DMBT1: variants seen among roughly 807,000 people sequenced by gnomAD.
The protein encoded by DMBT1 is scavenger receptor cysteine-rich domain-containing protein DMBT1.
In DMBT1, 198 loss-of-function variants were observed where a neutral mutation model predicts 252.9. The observed-to-expected ratio is 0.78, with a 90% CI of 0.70 to 0.88. The LOEUF is 0.88. Ranked by LOEUF, DMBT1 falls within the 40% of genes least tolerant of loss-of-function variation. DMBT1 has a pLI of 0.00. For synonymous variants in DMBT1, 990 were observed against 942.7 expected (o/e 1.05, Z -0.92); for missense variants, 2,432 against 2,404.7 (o/e 1.01, Z -0.24).
chr10:122,618,308 G>A lies in DMBT1; in HGVS notation c.5183G>A (p.Gly1728Asp). Residue 1728 changes from glycine (G) to aspartate (D), a missense_variant, in exon 41 of 56, where the codon GGC becomes GAC. By Grantham distance (94) the Gly-to-Asp change is moderately conservative. Transcript: ENST00000338354. ...PHNGWLSHNC[G>D]HHEDAGVICS... ...AATGGCTGGCTCTCCCACAACTGTG[G>A]CCATCATGAAGATGCTGGTGTCATC... 6.2e-7 allele frequency: 1 copy of A among 1,613,850 alleles called. No homozygotes were observed. The highest frequency in any genetic ancestry group is 8.5e-7 in the Non-Finnish European group (1 of 1,179,782).
intron 54 of DMBT1, among the ~76,000 whole-genome samples, chr10:122,638,827 C>T (rs1372472400): frequency 6.6e-6 from 1 of 152,224 alleles, no homozygotes; most frequent in Non-Finnish European, 1.5e-5. Context: ...TCTTTGCAAC[C>T]CCCAGTGCCC....
rs1056943456 is a variant in DMBT1 at position 122,630,839 on chromosome 10, A to C, written c.6026-122A>C. On this transcript the variant is annotated intron_variant, in intron 48 of 55. Transcript: ENST00000338354. Reference sequence around the variant, plus strand: ...CCAGTACCTCCACCCCAGCTTTTCCACATTTCTATTTGGCGACTTTAGAGG... The same window carrying C: ...CCAGTACCTCCACCCCAGCTTTTCCCCATTTCTATTTGGCGACTTTAGAGG... 8.9e-6 allele frequency: 10 copies of C among 1,125,732 alleles called. No individual in the cohort carries two copies. In the African/African-American group the frequency reaches 1.1e-4, roughly 12 times the overall value. 69.7% of individuals were successfully genotyped at this position (1,125,732 alleles called of 1,614,324 possible).
rs759720109 is a variant in DMBT1 at position 122,592,492 on chromosome 10, T to C, written c.2397T>C (p.Asp799=). The part of the protein sequence containing the change: ...GQGSGPIVLD[D]VRCSGHESYL... Reference sequence around the variant, plus strand: ...GCTCAGGACCCATTGTTCTGGATGATGTGCGCTGCTCAGGACACGAGTCCT... The same window carrying C: ...GCTCAGGACCCATTGTTCTGGATGACGTGCGCTGCTCAGGACACGAGTCCT... The change falls in exon 20 of 56, where the codon GAT becomes GAC. Residue 799 remains aspartate (D), a synonymous_variant. Transcript: ENST00000338354. 24 of 1,587,930 alleles carry C rather than the reference T, an allele frequency of 1.5e-5. 3 individuals carry two copies. Among genetic ancestry groups the C allele is most frequent in the Non-Finnish European group, 2.0e-5 (23 of 1,165,528 alleles).
At position 122,633,306 on chromosome 10, in the gene DMBT1, C is replaced by A; in HGVS notation, c.6513C>A (p.Asn2171Lys). The change falls in exon 52 of 56, where the codon AAC (asparagine) becomes AAA (lysine). Residue 2171 changes from asparagine (N) to lysine (K), a missense_variant. By Grantham distance (94) the Asn-to-Lys change is moderately conservative. Coordinates refer to ENST00000338354, the MANE Select transcript of DMBT1 (RefSeq NM_001377530.1). Reference protein sequence around the residue: ...AKCVWDIEVQNNYRVTVIFRD... With the variant: ...AKCVWDIEVQKNYRVTVIFRD... ...GTGTGTGGGACATTGAGGTGCAAAA[C>A]AACTACCGTGTGACTGTGATCTTCA... 6.2e-7 allele frequency: 1 copy of A among 1,613,978 alleles called. No homozygotes were observed. The highest frequency in any genetic ancestry group is 8.5e-7 in the Non-Finnish European group (1 of 1,179,896).
intron 49 of DMBT1, 89 bp downstream of exon 49, chr10:122,631,370 C>T: frequency 6.6e-7 from 1 of 1,508,258 alleles, no homozygotes; most frequent in Non-Finnish European, 9.0e-7. Flanking sequence ...TGTCTGTGGC[C>T]CAGGCAGGAG....
chr10:122,637,372 C>T lies in DMBT1; in HGVS notation c.6942+60C>T, dbSNP rs141872132. 6.9e-3 allele frequency: 10,072 copies of T among 1,454,106 alleles called. 54 individuals are homozygous for T. Among genetic ancestry groups the T allele is most frequent in the Non-Finnish European group, 8.1e-3 (8,767 of 1,088,902 alleles). The allele number at this position is 1,454,106 out of a possible 1,614,324, so 90.1% of individuals were successfully genotyped here. On this transcript the variant is annotated intron_variant, in intron 54 of 55. Coordinates refer to ENST00000338354, the MANE Select transcript of DMBT1 (RefSeq NM_001377530.1). ...CACAAGCTTTCTTAGAGCGGTATGT[C>T]CTGTGCTTCTTGAATTCTGGGGATG... is the stretch of plus-strand genomic sequence containing the variant.
At chr10:122,600,857 G>A in intron 27 of DMBT1, 134 bp from the exon 28 acceptor site, 3 of 980,434 alleles carry the variant, frequency 3.1e-6, no homozygotes, top group Non-Finnish European at 4.9e-6. Context: ...GACCTGGGAA[G>A]ACACATGGGA....
In DMBT1 at chr10:122,620,233, C is replaced by T; in HGVS notation, c.5246-20C>T. Reference sequence around the variant, plus strand: ...TCCCTCAAGTCTAATTTTGTCCTTTCTCTTTGTTGCAATTTACAGATACTT... The same window carrying T: ...TCCCTCAAGTCTAATTTTGTCCTTTTTCTTTGTTGCAATTTACAGATACTT... On this transcript the variant is annotated intron_variant, in intron 42 of 55. Coordinates refer to ENST00000338354, the MANE Select transcript of DMBT1 (RefSeq NM_001377530.1). 2 of 1,613,554 alleles carry T rather than the reference C, an allele frequency of 1.2e-6. No individual in the cohort carries two copies. Among genetic ancestry groups the T allele is most frequent in the Non-Finnish European group, 1.7e-6 (2 of 1,179,576 alleles).
At chr10:122,626,938 A>G (rs2098123051) in intron 46 of DMBT1, among the ~76,000 whole-genome samples, 1 of 152,058 alleles carries the variant, frequency 6.6e-6, no homozygotes, top group Non-Finnish European at 1.5e-5. Context: ...TGAAGGCCCT[A>G]GGGTGGGAAG....
intron 40 of DMBT1, 143 bp downstream of exon 40, chr10:122,617,403 G>A (rs1278039914): frequency 7.5e-6 from 8 of 1,071,808 alleles, no homozygotes; most frequent in Non-Finnish European, 9.7e-6. Context: ...AGTTTCTAGG[G>A]AGTCAGCCCT....
At chr10:122,573,925 A>G (rs1262297246) in intron 6 of DMBT1, among the ~76,000 whole-genome samples, 163 bp downstream of exon 6, 1 of 152,148 alleles carries the variant, frequency 6.6e-6, no homozygotes, top group African/African-American at 2.4e-5. Flanking sequence ...TATATCTTGC[A>G]TCGATCATGT....
rs1361705487 is a variant in DMBT1 at position 122,631,038 on chromosome 10, A to C, written c.6103A>C (p.Thr2035Pro). The C allele has an allele frequency of 3.7e-6, 6 of 1,613,648 alleles. No homozygotes were observed. Among genetic ancestry groups the C allele is most frequent in the Non-Finnish European group, 5.1e-6 (6 of 1,179,602 alleles). The change falls in exon 49 of 56, where the codon ACC (threonine) becomes CCC (proline). Residue 2035 changes from threonine to proline, a missense_variant. By Grantham distance (38) the Thr-to-Pro change is conservative (BLOSUM62 -1). Around this residue, in one of 3 missense-constraint regions of DMBT1, gnomAD observed 1,162 missense variants for 1,169.0 expected, o/e 0.99. Transcript: ENST00000338354. The part of the protein sequence containing the change: ...AGRVEIYHGG[T>P]WGTVCDDSWT... ...GCGTGTAGAAATTTACCATGGTGGC[A>C]CCTGGGGGACAGTTTGTGATGACTC...
At chr10:122,571,202 G>A (rs2133525184) in intron 4 of DMBT1, among the ~76,000 whole-genome samples, 1 of 152,346 alleles carries the variant, frequency 6.6e-6, no homozygotes, top group African/African-American at 2.4e-5. Context: ...TGGAGGGTAA[G>A]TAGTACTGCC....
rs539199268 is a variant in DMBT1, at chr10:122,590,655, T to C, written c.2108-10T>C. Reference sequence around the variant, plus strand: ...ATAGTGCATCTGATCTGACCTCCTCTTTCTCACAGCTGCCCAGTCCCGGTC... The same window carrying C: ...ATAGTGCATCTGATCTGACCTCCTCCTTCTCACAGCTGCCCAGTCCCGGTC... On this transcript the variant is annotated splice_polypyrimidine_tract_variant and intron_variant, in intron 17 of 55. Transcript: ENST00000338354. 21 of 1,587,900 alleles carry C rather than the reference T, an allele frequency of 1.3e-5. 1 individual carries two copies. Among genetic ancestry groups the C allele is most frequent in the Middle Eastern group, 1.7e-4 (1 of 6,006 alleles).
intron 41 of DMBT1, among the ~76,000 whole-genome samples, 154 bp from the exon 42 acceptor site, chr10:122,619,153 TC>T (rs1733968976): frequency 6.6e-6 from 1 of 152,190 alleles, no homozygotes; most frequent in Non-Finnish European, 1.5e-5. Context: ...ATATGGTGCA[TC>T]TCTGTGGGAA....
rs773094118 is a variant in DMBT1 at position 122,633,320 on chromosome 10, C to T, written c.6527C>T (p.Thr2176Ile). The T allele has an allele frequency of 6.2e-6, 10 of 1,613,868 alleles. No individual in the cohort carries two copies. In the African/African-American group the frequency reaches 1.2e-4, roughly 19 times the overall value. Reference sequence around the variant, plus strand: ...GAGGTGCAAAACAACTACCGTGTGACTGTGATCTTCAGAGATGTCCAGTAA... The same window carrying T: ...GAGGTGCAAAACAACTACCGTGTGATTGTGATCTTCAGAGATGTCCAGTAA... ...DIEVQNNYRV[T>I]VIFRDVQLEG... Residue 2176 changes from threonine to isoleucine, a missense_variant, in exon 52 of 56, where the codon ACT (threonine) becomes ATT (isoleucine). By Grantham distance (89) the Thr-to-Ile change is moderately conservative. Transcript: ENST00000338354.
chr10:122,622,989 A>G (rs539893854), intron 44 of DMBT1, among the ~76,000 whole-genome samples: 10 of 152,078 alleles, frequency 6.6e-5, no homozygotes, highest in African/African-American at 2.4e-4. Flanking sequence ...CATTACCATC[A>G]TCTCTATCTA....
chr10:122,572,306 C>T lies in DMBT1; in HGVS notation c.188-8C>T. On this transcript the variant is annotated splice_polypyrimidine_tract_variant and splice_region_variant and intron_variant, in intron 4 of 55. Coordinates refer to ENST00000338354, the MANE Select transcript of DMBT1 (RefSeq NM_001377530.1). Reference sequence around the variant, plus strand: ...CATCAATGAGCTCTTCCTTTCTCCACCCTGCAGGTTCTCCGATTTCCTTGG... The same window carrying T: ...CATCAATGAGCTCTTCCTTTCTCCATCCTGCAGGTTCTCCGATTTCCTTGG... 1 of 1,613,276 alleles carries T rather than the reference C, an allele frequency of 6.2e-7. No individual in the cohort carries two copies.
In DMBT1 at chr10:122,591,349, A is replaced by G. The variant is rs990345511; in HGVS notation, c.2138-130A>G. On this transcript the variant is annotated intron_variant, in intron 18 of 55. Transcript: ENST00000338354. ...CTGAGCTACAGACTTGGGCAGACAC[A>G]TGGGGAGCAAGTGGCAGGAACTAGA... 96 of 1,088,190 alleles carry G rather than the reference A, an allele frequency of 8.8e-5. 8 individuals carry two copies. Among genetic ancestry groups the G allele is most frequent in the Non-Finnish European group, 1.2e-4 (89 of 713,186 alleles). The allele number at this position is 1,088,190 out of a possible 1,614,324, so 67.4% of individuals were successfully genotyped here.
Sources: gnomAD v4.1 joint callset for allele counts (sites outside exome capture counted in the v4.1 genomes callset) on GRCh38, gnomAD v4.1.1 for gene constraint, gnomAD v4.1.1 regional missense constraint, MANE v1.5 for transcripts, NCBI Gene and HGNC (gene_info 2026-07-23, HGNC 2026-07-21) for gene names.